SIAH3: variants seen among roughly 807,000 people sequenced by gnomAD.
SIAH3 encodes siah E3 ubiquitin protein ligase family member 3.
Under a neutral mutation model 12.6 loss-of-function variants are expected in SIAH3, and 9 were observed. The ratio of observed to expected loss-of-function variants is 0.72; its 90% CI spans 0.43 to 1.25. The LOEUF (loss-of-function observed/expected upper bound fraction) is 1.25, where lower values mean the gene tolerates loss of function less well. Among genes scored for constraint, SIAH3 ranks in the 50% most tolerant of loss-of-function variants. The pLI is 0.00. For missense variants in SIAH3, 390 were observed against 365.4 expected (o/e 1.07, Z -0.55); for synonymous variants, 154 against 151.1 (o/e 1.02, Z -0.14).
At chr13:45,795,881 T>C (rs767382074) in intron 1 of SIAH3, among the ~76,000 whole-genome samples, 3 of 152,212 alleles carry the variant, frequency 2.0e-5, no homozygotes, top group Non-Finnish European at 4.4e-5. Flanking sequence ...TGGAATATCA[T>C]GCAACTATAA....
intron 1 of SIAH3, among the ~76,000 whole-genome samples, chr13:45,838,270 A>T (rs576326578): frequency 7.2e-5 from 11 of 152,282 alleles, no homozygotes; most frequent in Non-Finnish European, 1.3e-4. Context: ...AAGTCTTTTC[A>T]AGGAGTGGGT....
intron 1 of SIAH3, among the ~76,000 whole-genome samples, chr13:45,823,161 G>T (rs141734126): frequency 6.6e-6 from 1 of 152,294 alleles, no homozygotes; most frequent in African/African-American, 2.4e-5. Flanking sequence ...GTATTCTCAT[G>T]ACGCTTTAGA....
chr13:45,831,219 T>TA (rs146430161), intron 1 of SIAH3, among the ~76,000 whole-genome samples: 13 of 140,420 alleles, frequency 9.3e-5, no homozygotes, highest in African/African-American at 3.0e-4. Context: ...AATAAATAAA[T>TA]AAATAAAATA....
chr13:45,828,425 C>T (rs567782186), intron 1 of SIAH3, among the ~76,000 whole-genome samples: 1 of 152,324 alleles, frequency 6.6e-6, no homozygotes, highest in South Asian at 2.1e-4. Context: ...TGAACAAATG[C>T]TACTCTGAAA....
At chr13:45,797,528 T>C (rs1566088852) in intron 1 of SIAH3, among the ~76,000 whole-genome samples, 1 of 152,128 alleles carries the variant, frequency 6.6e-6, no homozygotes, top group African/African-American at 2.4e-5. Flanking sequence ...CCCTTGCAGC[T>C]ACCCAAGCCG....
chr13:45,839,534 A>G (rs2137582083), intron 1 of SIAH3, among the ~76,000 whole-genome samples: 1 of 152,374 alleles, frequency 6.6e-6, no homozygotes, highest in South Asian at 2.1e-4. Flanking sequence ...AATACTGTAT[A>G]CAAACCATAA....
At chr13:45,814,743 T>TTTTTTTTTTTTTTTGAGACA (rs1950628219) in intron 1 of SIAH3, among the ~76,000 whole-genome samples, 1 of 151,624 alleles carries the variant, frequency 6.6e-6, no homozygotes, top group African/African-American at 2.4e-5. Context: ...TTTTTTTTTT[T>TTTTTTTTTTTTTTTGAGACA]GAGACAGAGG....
At chr13:45,798,297 A>T (rs1196449202) in intron 1 of SIAH3, among the ~76,000 whole-genome samples, 1 of 152,236 alleles carries the variant, frequency 6.6e-6, no homozygotes, top group Non-Finnish European at 1.5e-5. Flanking sequence ...ATTGATTTCC[A>T]TACCATTCTG....
intron 1 of SIAH3, among the ~76,000 whole-genome samples, chr13:45,850,872 A>G (rs1294781039): frequency 2.0e-5 from 3 of 151,696 alleles, no homozygotes; most frequent in East Asian, 2.0e-4. Context: ...CAGTACACAG[A>G]GCGCATCTAA....
chr13:45,840,162 G>A (rs912078568), intron 1 of SIAH3, among the ~76,000 whole-genome samples: 3 of 152,036 alleles, frequency 2.0e-5, no homozygotes. Context: ...GGAGGCTGAG[G>A]TGTGAGAATC....
At chr13:45,805,011 A>ACACACAC (rs1555257638) in intron 1 of SIAH3, among the ~76,000 whole-genome samples, 34 of 118,730 alleles carry the variant, frequency 2.9e-4, no homozygotes, top group Non-Finnish European at 3.0e-4. Context: ...CACACACACA[A>ACACACAC]AATACTTTGG....
At chr13:45,805,067 C>T (rs1275210558) in intron 1 of SIAH3, among the ~76,000 whole-genome samples, 1 of 150,300 alleles carries the variant, frequency 6.7e-6, no homozygotes, top group Non-Finnish European at 1.5e-5. Context: ...AGGAGAACTA[C>T]AAAACACTGC....
intron 1 of SIAH3, 124 bp from the exon 2 acceptor site, chr13:45,784,181 TAAACAACA>T: frequency 1.1e-6 from 1 of 900,986 alleles, no homozygotes. Context: ...GTTCATTTCT[TAAACAACA>T]AACAAACAAA....
intron 1 of SIAH3, among the ~76,000 whole-genome samples, chr13:45,851,016 C>T (rs1228371400): frequency 4.6e-5 from 6 of 131,868 alleles, no homozygotes; most frequent in African/African-American, 1.7e-4. Flanking sequence ...CCCCCCACCC[C>T]ACCGACGTCC....
chr13:45,794,707 G>T (rs1344289984), intron 1 of SIAH3, among the ~76,000 whole-genome samples: 5 of 152,062 alleles, frequency 3.3e-5, no homozygotes, highest in African/African-American at 9.7e-5. Context: ...TGATTGTGAG[G>T]CCTCCCCAGT....
chr13:45,811,985 C>G (rs1950617932), intron 1 of SIAH3, among the ~76,000 whole-genome samples: 1 of 152,202 alleles, frequency 6.6e-6, no homozygotes, highest in Non-Finnish European at 1.5e-5. Context: ...GGAAGTCTCC[C>G]TCTGAACTTT....
At chr13:45,834,837 C>T (rs1950712519) in intron 1 of SIAH3, among the ~76,000 whole-genome samples, 1 of 152,134 alleles carries the variant, frequency 6.6e-6, no homozygotes, top group Admixed American at 6.5e-5. Flanking sequence ...CACTGCTAAA[C>T]CTCTCTGGGC....
At chr13:45,803,877 T>A (rs894887683) in intron 1 of SIAH3, among the ~76,000 whole-genome samples, 4 of 151,972 alleles carry the variant, frequency 2.6e-5, no homozygotes, top group African/African-American at 9.7e-5. Flanking sequence ...AAGGATGACA[T>A]AAGAAAACTC....
intron 1 of SIAH3, among the ~76,000 whole-genome samples, chr13:45,843,848 C>T (rs561970028): frequency 2.6e-5 from 4 of 152,100 alleles, no homozygotes; most frequent in African/African-American, 9.7e-5. Context: ...AATGACCATG[C>T]TAACAATTGG....
Sources: allele counts gnomAD v4.1 joint callset (sites outside exome capture counted in the v4.1 genomes callset), GRCh38; gene constraint gnomAD v4.1.1; transcripts MANE v1.5; gene names NCBI Gene and HGNC (gene_info 2026-07-23, HGNC 2026-07-21).